CD82: variants seen among roughly 807,000 people sequenced by gnomAD.
CD82 encodes CD82 antigen.
CD82 carries 36 observed loss-of-function variants against 37.4 expected under a neutral mutation model. That is an observed-to-expected ratio of 0.96 (90% CI 0.74 to 1.27). The LOEUF is 1.27. Among genes scored for constraint, CD82 ranks in the 50% most tolerant of loss-of-function variants. The pLI is 0.00. For synonymous variants in CD82, 158 were observed against 137.4 expected (o/e 1.15, Z -1.05); for missense variants, 340 against 347.0 (o/e 0.98, Z 0.16).
At position 44,598,400 on chromosome 11, in the gene CD82, A is replaced by ATTTTTTTTTTTTTTTTTTTTTTTTT. The variant is rs71038809; in HGVS notation, c.64-1753_64-1729dup. On this transcript the variant is annotated intron_variant, in intron 3 of 9. Transcript: ENST00000227155. ...CAGTTATCATGGATTTTTGGCCTTA[A>ATTTTTTTTTTTTTTTTTTTTTTTTT]TTTTTTTTTTTTTTTTTTTTTTTTT... Among the ~76,000 whole-genome samples the ATTTTTTTTTTTTTTTTTTTTTTTTT allele has an allele frequency of 8.5e-5, 5 of 58,880 alleles. 2 individuals carry two copies. Among genetic ancestry groups the ATTTTTTTTTTTTTTTTTTTTTTTTT allele is most frequent in the East Asian group, 1.2e-3 (2 of 1,688 alleles). 38.6% of individuals were successfully genotyped at this position (58,880 alleles called of 152,430 possible). A position where few individuals can be genotyped will look rare whatever the true frequency, so the allele number is the denominator to read the frequency against.
In CD82 at chr11:44,586,293, G is replaced by GA. The variant is rs543799217; in HGVS notation, c.-102-1176dup. ...ACTCTAGGGCATTTAGGAGATGGCA[G>GA]AAAAAACCTTGGCCCTCAGGTAGGC... On this transcript the variant is annotated intron_variant, in intron 1 of 9. Transcript: ENST00000227155. Among the ~76,000 whole-genome samples the GA allele has an allele frequency of 2.0e-5, 3 of 152,294 alleles. 1 individual carries two copies. The South Asian group carries it at 6.2e-4, about 32-fold the overall frequency.
At chr11:44,580,508 C>CT (rs1483277105) in intron 1 of CD82, among the ~76,000 whole-genome samples, 1 of 152,160 alleles carries the variant, frequency 6.6e-6, no homozygotes, top group Non-Finnish European at 1.5e-5. Context: ...GGGTGGATCA[C>CT]TTGAGATCAG....
At chr11:44,572,410 A>C (rs757466267) in intron 1 of CD82, among the ~76,000 whole-genome samples, 2 of 152,274 alleles carry the variant, frequency 1.3e-5, no homozygotes, top group Non-Finnish European at 2.9e-5. Context: ...CAATGAAGCT[A>C]TAAAAAACAT....
chr11:44,565,836 CGGAACTAGTGACA>C (rs1019118875), intron 1 of CD82, 100 bp downstream of exon 1: 2 of 152,276 alleles, frequency 1.3e-5, no homozygotes, highest in Admixed American at 1.3e-4. Flanking sequence ...CAACTTTCCT[CGGAACTAGTGACA>C]GGTCGGGGCA....
At chr11:44,604,171 G>A (rs1853354350) in intron 4 of CD82, among the ~76,000 whole-genome samples, 2 of 152,008 alleles carry the variant, frequency 1.3e-5, no homozygotes, top group Non-Finnish European at 2.9e-5. Flanking sequence ...TGTACTTTTT[G>A]TCTCCACTCC....
intron 6 of CD82, among the ~76,000 whole-genome samples, chr11:44,612,673 C>T (rs1853502212): frequency 8.3e-6 from 1 of 119,924 alleles, no homozygotes; most frequent in African/African-American, 3.3e-5. Context: ...GGCTCTGTCG[C>T]CCAGGCTGGA....
At position 44,611,420 on chromosome 11, in the gene CD82, C is replaced by T. The variant is rs749022085; in HGVS notation, c.337-3852C>T. On this transcript the variant is annotated intron_variant, in intron 6 of 9. Coordinates refer to ENST00000227155, the MANE Select transcript of CD82 (RefSeq NM_002231.4). Reference sequence around the variant, plus strand: ...CCTACCACATTGATGGAAAGAGGGCCGGGTATGTGAGCATGGGTCTCAAGC... The same window carrying T: ...CCTACCACATTGATGGAAAGAGGGCTGGGTATGTGAGCATGGGTCTCAAGC... 3.3e-5 allele frequency among the ~76,000 whole-genome samples: 5 copies of T among 152,326 alleles called. No homozygotes were observed. The South Asian group carries it at 6.2e-4, about 19-fold the overall frequency.
Position 44,618,304 on chromosome 11 carries a change from A to T in CD82, c.581A>T (p.Glu194Val), listed in dbSNP as rs1853596761. The T allele has an allele frequency of 6.2e-7, 1 of 1,613,754 alleles. No individual in the cohort carries two copies. The highest frequency in any genetic ancestry group is 1.3e-5 in the African/African-American group (1 of 74,892). Residue 194 changes from glutamate to valine, a missense_variant, in exon 8 of 10, where the codon GAG becomes GTG. By Grantham distance (121) the Glu-to-Val change is moderately radical (BLOSUM62 -2). Coordinates refer to ENST00000227155, the MANE Select transcript of CD82 (RefSeq NM_002231.4). ...CTTTCTGTGAGGAAGGGCTTCTGCGAGGCCCCCGGCAACAGGACCCAGAGT... is the reference window on the plus strand; with the variant it reads ...CTTTCTGTGAGGAAGGGCTTCTGCGTGGCCCCCGGCAACAGGACCCAGAGT... ...NSLSVRKGFC[E>V]APGNRTQSGN...
intron 2 of CD82, among the ~76,000 whole-genome samples, chr11:44,590,038 T>G (rs945917318): frequency 2.0e-5 from 3 of 151,720 alleles, no homozygotes. Context: ...TTTCACCGTA[T>G]TAGTCAGGAT....
rs527828536 is a variant in CD82, at chr11:44,574,836, C to G, written c.-103+9100C>G. 2.3e-3 allele frequency among the ~76,000 whole-genome samples: 354 copies of G among 152,294 alleles called. 2 individuals carry two copies. The highest frequency in any genetic ancestry group is 8.2e-3 in the African/African-American group (342 of 41,548). On this transcript the variant is annotated intron_variant, in intron 1 of 9. Coordinates refer to ENST00000227155, the MANE Select transcript of CD82 (RefSeq NM_002231.4). ...TGAGCATTCTTCTCCAGCAAGTTTC[C>G]CAGCTCTGTAGTATTGCACCATAGG...
chr11:44,604,863 A>G (rs989062322), intron 4 of CD82, 195 bp from the exon 5 acceptor site: 47 of 681,774 alleles, frequency 6.9e-5, no homozygotes, highest in African/African-American at 6.4e-4. Context: ...GTGGATTGCA[A>G]TTTTACTGGG....
chr11:44,616,912 T>A (rs1853572456), intron 7 of CD82, among the ~76,000 whole-genome samples: 1 of 152,144 alleles, frequency 6.6e-6, no homozygotes, highest in East Asian at 1.9e-4. Flanking sequence ...GCCCCCAGCC[T>A]TGCAGACCTG....
At chr11:44,574,504 C>T (rs1365801440) in intron 1 of CD82, among the ~76,000 whole-genome samples, 1 of 152,124 alleles carries the variant, frequency 6.6e-6, no homozygotes, top group Admixed American at 6.6e-5. Flanking sequence ...CCCAGGCCAG[C>T]GATTCTGACA....
intron 1 of CD82, among the ~76,000 whole-genome samples, chr11:44,569,444 T>C (rs1418560492): frequency 3.3e-5 from 5 of 152,058 alleles, no homozygotes; most frequent in South Asian, 2.1e-4. Context: ...GTCCTTGGAG[T>C]TGGCTGCTGC....
At chr11:44,603,266 T>A (rs1853334019) in intron 4 of CD82, among the ~76,000 whole-genome samples, 1 of 152,162 alleles carries the variant, frequency 6.6e-6, no homozygotes, top group Non-Finnish European at 1.5e-5. Context: ...TGGCCAGGGC[T>A]CTTCCTGAGC....
intron 1 of CD82, among the ~76,000 whole-genome samples, chr11:44,577,433 C>T (rs1450216310): frequency 6.6e-6 from 1 of 152,150 alleles, no homozygotes; most frequent in South Asian, 2.1e-4. Flanking sequence ...TCAACTCTCT[C>T]GGGTTCTGTG....
At chr11:44,574,308 A>C (rs756887702) in intron 1 of CD82, among the ~76,000 whole-genome samples, 43 of 152,154 alleles carry the variant, frequency 2.8e-4, no homozygotes, top group Non-Finnish European at 6.2e-4. Context: ...CTTTGCTCGC[A>C]CACCTCAAGG....
At chr11:44,591,146 C>T (rs1457200252) in intron 2 of CD82, among the ~76,000 whole-genome samples, 1 of 152,192 alleles carries the variant, frequency 6.6e-6, no homozygotes, top group African/African-American at 2.4e-5. Context: ...CTGGGTCTGT[C>T]CCACTTGACT....
intron 7 of CD82, 79 bp from the exon 8 acceptor site, chr11:44,618,083 G>T: frequency 7.9e-7 from 1 of 1,263,418 alleles, no homozygotes. Flanking sequence ...CTGTCCTGGG[G>T]AGGTCCTCCC....
Sources: gnomAD v4.1 joint callset for allele counts (sites outside exome capture counted in the v4.1 genomes callset) on GRCh38, gnomAD v4.1.1 for gene constraint, MANE v1.5 for transcripts, NCBI Gene and HGNC (gene_info 2026-07-23, HGNC 2026-07-21) for gene names.